NEB: variants seen among roughly 807,000 people sequenced by gnomAD.
The protein encoded by NEB is nemaline myopathy type 2.
In NEB, 512 loss-of-function variants were observed where a neutral mutation model predicts 952.2. That is an observed-to-expected ratio of 0.54 (90% CI 0.50 to 0.58). The LOEUF is 0.58. NEB is among the 20% of genes least tolerant of loss of function. NEB has a pLI of 0.00. For missense variants in NEB, 8,428 were observed against 9,231.1 expected (o/e 0.91, Z 3.56); for synonymous variants, 2,900 against 3,149.8 (o/e 0.92, Z 2.66).
At chr2:151,640,844 T>C (rs2098837656) in intron 60 of NEB, among the ~76,000 whole-genome samples, 178 bp from the exon 61 acceptor site, 1 of 151,938 alleles carries the variant, frequency 6.6e-6, no homozygotes, top group Non-Finnish European at 1.5e-5. Flanking sequence ...ATGAAATATA[T>C]ATCTTATATA....
At chr2:151,727,590 G>C in intron 5 of NEB, 101 bp downstream of exon 5, 1 of 1,204,612 alleles carries the variant, frequency 8.3e-7, no homozygotes, top group Non-Finnish European at 1.2e-6. Flanking sequence ...GTTTCATACA[G>C]GTTTGAGAAA....
intron 178 of NEB, 34 bp from the exon 179 acceptor site, chr2:151,491,809 C>A (rs1321048867): frequency 1.3e-6 from 2 of 1,495,838 alleles, no homozygotes; most frequent in Non-Finnish European, 1.8e-6. Context: ...AACAAGTGTT[C>A]TTGGAGTTTT....
At chr2:151,548,178 TA>T (rs2153622149) in intron 131 of NEB, 129 bp downstream of exon 131, 1 of 761,356 alleles carries the variant, frequency 1.3e-6, no homozygotes, top group East Asian at 2.7e-5. Context: ...AATGTGACAA[TA>T]AGGACCTTTT....
intron 34 of NEB, among the ~76,000 whole-genome samples, chr2:151,677,192 T>C (rs1283527741): frequency 1.3e-5 from 2 of 152,212 alleles, no homozygotes; most frequent in East Asian, 3.9e-4. Context: ...AAACTTAACA[T>C]AGAATTGAAT....
At chr2:151,494,395 T>G in intron 173 of NEB, 142 bp from the exon 174 acceptor site, 1 of 587,410 alleles carries the variant, frequency 1.7e-6, no homozygotes. Flanking sequence ...AGTAGTATGT[T>G]TCCTAAGGAA....
intron 63 of NEB, among the ~76,000 whole-genome samples, chr2:151,638,807 CTGTG>C (rs71996133): frequency 0.17 from 24,341 of 146,848 alleles, 2,679 homozygotes; most frequent in East Asian, 0.56. Context: ...TTCTCTCTCT[CTGTG>C]TGTGTGTGTG....
At chr2:151,648,176 T>A (rs1575065274) in intron 54 of NEB, among the ~76,000 whole-genome samples, 1 of 152,306 alleles carries the variant, frequency 6.6e-6, no homozygotes, top group East Asian at 1.9e-4. Context: ...TTTTTCAACT[T>A]TTCTGAGTGC....
At chr2:151,631,683 T>A (rs2098670910) in intron 65 of NEB, among the ~76,000 whole-genome samples, 1 of 152,100 alleles carries the variant, frequency 6.6e-6, no homozygotes. Flanking sequence ...GTGCCCAACA[T>A]CAGGCCCTTA....
chr2:151,660,074 C>A (rs2099129865), intron 46 of NEB, among the ~76,000 whole-genome samples: 1 of 152,178 alleles, frequency 6.6e-6, no homozygotes, highest in Non-Finnish European at 1.5e-5. Flanking sequence ...CCAGCTGTCT[C>A]ACTCAAGAGT....
chr2:151,543,534 G>C (rs542782332), intron 135 of NEB, among the ~76,000 whole-genome samples: 7 of 152,310 alleles, frequency 4.6e-5, no homozygotes, highest in Admixed American at 1.3e-4. Context: ...CAACTCTTCA[G>C]TTTAGGAAAT....
At chr2:151,562,033 C>T in intron 121 of NEB, 77 bp downstream of exon 121, 1 of 1,154,376 alleles carries the variant, frequency 8.7e-7, no homozygotes, top group South Asian at 1.3e-5. Flanking sequence ...CTTTCTTTGC[C>T]TGCCCATCAG....
intron 71 of NEB, among the ~76,000 whole-genome samples, chr2:151,622,410 A>C (rs1185014476): frequency 6.6e-6 from 1 of 152,222 alleles, no homozygotes; most frequent in African/African-American, 2.4e-5. Context: ...CACTTAGTCA[A>C]ATATTTTAAT....
intron 121 of NEB, among the ~76,000 whole-genome samples, chr2:151,561,567 CCTCA>C (rs1452113397): frequency 1.6e-4 from 24 of 149,208 alleles, no homozygotes; most frequent in Admixed American, 6.6e-4. Context: ...GACAGCAGCC[CCTCA>C]CTTTTTTTTT....
In NEB at chr2:151,609,988, A is replaced by G. The variant is rs1338880208; in HGVS notation, c.12151T>C (p.Phe4051Leu). Residue 4051 changes from phenylalanine (F) to leucine (L), a missense_variant, in exon 81 of 182, where the codon TTC becomes CTC. By Grantham distance (22) the Phe-to-Leu change is conservative. Around this residue, in one of 11 missense-constraint regions of NEB, gnomAD observed 337 missense variants for 297.5 expected, o/e 1.13. Transcript: ENST00000397345. The stretch of plus-strand genomic sequence containing the variant: ...GAGAACTTGGTTTTCCACTTTTGGA[A>G]TTCCTTCTTGTACTCCCTTTCACTT... ...IQSEREYKKE[F>L]QKWKTKFSSP... is the part of the protein sequence containing the mutation. The G allele has an allele frequency of 6.2e-7, 1 of 1,613,910 alleles. No homozygotes were observed. The highest frequency in any genetic ancestry group is 1.1e-5 in the South Asian group (1 of 91,080).
intron 28 of NEB, among the ~76,000 whole-genome samples, chr2:151,684,033 C>A (rs1160728364): frequency 6.6e-6 from 1 of 151,840 alleles, no homozygotes; most frequent in Non-Finnish European, 1.5e-5. Flanking sequence ...AGAAACAAAG[C>A]GTAGATTGGT....
intron 107 of NEB, among the ~76,000 whole-genome samples, chr2:151,571,340 G>A (rs551471949): frequency 6.6e-6 from 1 of 152,204 alleles, no homozygotes; most frequent in Non-Finnish European, 1.5e-5. Context: ...TAGCCTTGAA[G>A]TAGTTGCTCA....
chr2:151,491,977 T>C (rs1454582526), intron 178 of NEB, 121 bp downstream of exon 178: 16 of 1,143,216 alleles, frequency 1.4e-5, no homozygotes, highest in Non-Finnish European at 2.0e-5. Context: ...GGAGCTTTCT[T>C]GCACCTCTAG....
At chr2:151,486,191 A>T in intron 181 of NEB, 1 of 410,196 alleles carries the variant, frequency 2.4e-6, no homozygotes, top group Non-Finnish European at 4.4e-6. Flanking sequence ...GAGGCAAAGG[A>T]TATGAATAGA....
intron 130 of NEB, among the ~76,000 whole-genome samples, chr2:151,548,705 G>A (rs2095016292): frequency 6.6e-6 from 1 of 152,208 alleles, no homozygotes; most frequent in Non-Finnish European, 1.5e-5. Flanking sequence ...TTTAGCCCCA[G>A]TGTGGCTAGA....
Sources: gnomAD v4.1 joint callset for allele counts (sites outside exome capture counted in the v4.1 genomes callset) on GRCh38, gnomAD v4.1.1 for gene constraint, gnomAD v4.1.1 regional missense constraint, MANE v1.5 for transcripts, NCBI Gene and HGNC (gene_info 2026-07-23, HGNC 2026-07-21) for gene names.